EPYC: variants seen among roughly 807,000 people sequenced by gnomAD.
EPYC encodes the protein dermatan sulfate proteoglycan 3.
EPYC carries 28 observed loss-of-function variants against 30.1 expected under a neutral mutation model. The observed-to-expected ratio is 0.93, with a 90% confidence interval of 0.69 to 1.28. EPYC has a LOEUF of 1.28. Ranked by LOEUF, EPYC falls within the 50% of genes most tolerant of loss-of-function variation. EPYC has a pLI of 0.00. For synonymous variants in EPYC, 144 were observed against 141.4 expected, an observed-to-expected ratio of 1.02 and a Z score of -0.13; for missense variants, 382 against 383.5, an observed-to-expected ratio of 1.00 and a Z score of 0.03.
chr12:90,990,413 G>A (rs548231819), intron 2 of EPYC, among the ~76,000 whole-genome samples: 43 of 152,172 alleles, frequency 2.8e-4, no homozygotes, highest in Middle Eastern at 6.8e-3. Flanking sequence ...ATCCCAGAGA[G>A]GACCAGGTAA....
At chr12:90,965,369 A>G (rs2120788821) in intron 6 of EPYC, among the ~76,000 whole-genome samples, 1 of 152,272 alleles carries the variant, frequency 6.6e-6, no homozygotes, top group African/African-American at 2.4e-5. Flanking sequence ...TTTTGGGTAT[A>G]TACTTAGATG....
chr12:90,970,034 A>C lies in EPYC; in HGVS notation c.798+10T>G. ...AAGCCCTTGGGCGCACCTTACTGGTAGACTCCTACCTGGAGGTGAAGGGCT... is the reference window on the plus strand; with the variant it reads ...AAGCCCTTGGGCGCACCTTACTGGTCGACTCCTACCTGGAGGTGAAGGGCT... On this transcript the variant is annotated intron_variant, in intron 6 of 6. Transcript: ENST00000261172. The C allele has an allele frequency of 6.2e-7, 1 of 1,605,848 alleles. No individual in the cohort carries two copies. The highest frequency in any genetic ancestry group is 1.3e-5 in the African/African-American group (1 of 74,844).
rs757862449 is a variant in EPYC, at chr12:91,002,587, A to G, written c.-13-9T>C. The stretch of plus-strand genomic sequence containing the variant: ...TCATTTTTCAAGCTTTCCTAATTAT[A>G]AAATATTAAAATGCATAAATATTTA... On this transcript the variant is annotated splice_polypyrimidine_tract_variant and intron_variant, in intron 1 of 6. Coordinates refer to ENST00000261172, the MANE Select transcript of EPYC (RefSeq NM_004950.5). The G allele has an allele frequency of 1.9e-6, 3 of 1,563,148 alleles. No individual in the cohort carries two copies. In the South Asian group the frequency reaches 3.6e-5, roughly 19 times the overall value.
At chr12:90,995,012 A>G (rs942171646) in intron 2 of EPYC, among the ~76,000 whole-genome samples, 1 of 152,114 alleles carries the variant, frequency 6.6e-6, no homozygotes, top group Non-Finnish European at 1.5e-5. Context: ...GGCCTGAGTT[A>G]CTAAAGATGT....
intron 3 of EPYC, 30 bp downstream of exon 3, chr12:90,978,058 C>T (rs1483805977): frequency 6.6e-7 from 1 of 1,515,882 alleles, no homozygotes; most frequent in Non-Finnish European, 8.8e-7. Context: ...AAAGTGGACT[C>T]AATTGTAATT....
chr12:90,984,289 C>T (rs1014028699), intron 2 of EPYC, among the ~76,000 whole-genome samples: 2 of 152,126 alleles, frequency 1.3e-5, no homozygotes, highest in Non-Finnish European at 2.9e-5. Context: ...CTATTCCGAT[C>T]AGCAGGGTCC....
intron 5 of EPYC, among the ~76,000 whole-genome samples, chr12:90,970,559 G>T (rs1039929151): frequency 3.3e-5 from 5 of 152,126 alleles, no homozygotes; most frequent in African/African-American, 1.2e-4. Context: ...GCAATGGCCT[G>T]GTAGCCCAAC....
At chr12:90,993,220 A>G in intron 2 of EPYC, among the ~76,000 whole-genome samples, 1 of 151,984 alleles carries the variant, frequency 6.6e-6, no homozygotes, top group East Asian at 1.9e-4. Flanking sequence ...CATACATTTC[A>G]TTTTGCCCCT....
chr12:90,995,827 C>T (rs1877682125), intron 2 of EPYC, among the ~76,000 whole-genome samples: 1 of 151,762 alleles, frequency 6.6e-6, no homozygotes, highest in Admixed American at 6.6e-5. Context: ...TTAAAAGAAT[C>T]TTATGGAAAG....
At chr12:90,983,028 G>C (rs1353418053) in intron 2 of EPYC, among the ~76,000 whole-genome samples, 1 of 152,008 alleles carries the variant, frequency 6.6e-6, no homozygotes, top group Non-Finnish European at 1.5e-5. Context: ...TGGATCTTAT[G>C]GTAGTTCTAT....
chr12:90,972,664 G>T (rs548907901), intron 4 of EPYC, 158 bp downstream of exon 4: 7 of 628,992 alleles, frequency 1.1e-5, no homozygotes, highest in Middle Eastern at 3.3e-4. Flanking sequence ...TCTTATAATT[G>T]TTAAAGCAAA....
At chr12:90,975,876 T>A (rs370471224) in intron 3 of EPYC, among the ~76,000 whole-genome samples, 2 of 152,248 alleles carry the variant, frequency 1.3e-5, no homozygotes. Flanking sequence ...AGAAAGAATA[T>A]AATATATTCA....
chr12:90,972,672 A>C (rs1050159224), intron 4 of EPYC, 150 bp downstream of exon 4: 7 of 671,832 alleles, frequency 1.0e-5, no homozygotes, highest in Admixed American at 3.3e-5. Context: ...TTGTTAAAGC[A>C]AACTCTCAAA....
At chr12:90,983,235 A>T (rs1877363192) in intron 2 of EPYC, among the ~76,000 whole-genome samples, 1 of 152,176 alleles carries the variant, frequency 6.6e-6, no homozygotes. Context: ...TGGACACAAA[A>T]TATACTCCCT....
At position 90,964,228 on chromosome 12, in the gene EPYC, G is replaced by T. The variant is rs1253171476; in HGVS notation, c.897C>A (p.Asn299Lys). Residue 299 changes from asparagine (N) to lysine (K), a missense_variant, in exon 7 of 7, where the codon AAC (asparagine) becomes AAA (lysine). Asn to Lys is a moderately conservative substitution (Grantham distance 94). Transcript: ENST00000261172. Reference protein sequence around the residue: ...KALEDIRLDGNPINLSKTPQA... With the variant: ...KALEDIRLDGKPINLSKTPQA... ...GAGGAGTTTTGCTGAGATTAATAGG[G>T]TTTCCATCCAATCGAATGTCCTCTA... 1 of 1,613,534 alleles carries T rather than the reference G, an allele frequency of 6.2e-7. No individual in the cohort carries two copies. Among genetic ancestry groups the T allele is most frequent in the Non-Finnish European group, 8.5e-7 (1 of 1,179,714 alleles).
At chr12:90,973,332 A>C (rs1218917192) in intron 3 of EPYC, among the ~76,000 whole-genome samples, 4 of 152,086 alleles carry the variant, frequency 2.6e-5, no homozygotes, top group Non-Finnish European at 5.9e-5. Flanking sequence ...TTTCACTAAA[A>C]CAACACTTGC....
chr12:90,982,306 A>G (rs1359524927), intron 2 of EPYC, among the ~76,000 whole-genome samples: 2 of 152,150 alleles, frequency 1.3e-5, no homozygotes, highest in East Asian at 1.9e-4. Context: ...TGTAATTCAT[A>G]TATTATACAG....
intron 4 of EPYC, among the ~76,000 whole-genome samples, chr12:90,972,312 T>A (rs1457008247): frequency 6.6e-6 from 1 of 152,188 alleles, no homozygotes; most frequent in African/African-American, 2.4e-5. Flanking sequence ...CTGTTGTGTT[T>A]TCTAATAGTC....
chr12:91,000,244 A>G (rs1225388936), intron 2 of EPYC, among the ~76,000 whole-genome samples: 1 of 151,950 alleles, frequency 6.6e-6, no homozygotes, highest in Non-Finnish European at 1.5e-5. Flanking sequence ...CTCAGAAAGG[A>G]CTCTGTGTAA....
Sources: allele counts gnomAD v4.1 joint callset (sites outside exome capture counted in the v4.1 genomes callset), GRCh38; gene constraint gnomAD v4.1.1; transcripts MANE v1.5; gene names NCBI Gene and HGNC (gene_info 2026-07-23, HGNC 2026-07-21).